The following C4orf50 variants were observed in gnomAD, a reference collection of about 807,000 sequenced individuals.
C4orf50 encodes uncharacterized protein C4orf50.
C4orf50 carries 80 observed loss-of-function variants against 77.2 expected under a neutral mutation model. The observed-to-expected ratio is 1.04, with a 90% CI of 0.87 to 1.25. The LOEUF is 1.25. Among genes scored for constraint, C4orf50 ranks in the 50% most tolerant of loss-of-function variants. C4orf50 has a pLI of 0.00. For synonymous variants in C4orf50, 532 were observed against 465.3 expected (o/e 1.14, Z -1.84); for missense variants, 1,257 against 1,152.9 (o/e 1.09, Z -1.31).
chr4:5,954,456 A>G (rs564320745), downstream of C4orf50, among the ~76,000 whole-genome samples: 1 of 152,088 alleles, frequency 6.6e-6, no homozygotes, highest in Non-Finnish European at 1.5e-5. The surrounding 1 kb of genome is among the most constrained non-coding windows in gnomAD (Gnocchi z 4.7). Flanking sequence ...ATGGGCTGAG[A>G]TTCTGTAGCA....
At chr4:5,899,353 G>C (rs546320802) in intron 7 of C4orf50, 9 of 152,342 alleles carry the variant, frequency 5.9e-5, no homozygotes, top group African/African-American at 2.2e-4. Context: ...GATTCATTTA[G>C]TGTGTCATTT....
chr4:5,997,004 G>C (rs554871457), intron 25 of C4orf50, among the ~76,000 whole-genome samples: 1 of 152,188 alleles, frequency 6.6e-6, no homozygotes, highest in Non-Finnish European at 1.5e-5. Context: ...GAGAAAGAAG[G>C]CATCAAAGAA....
At position 5,916,914 on chromosome 4, in the gene C4orf50, C is replaced by T. The variant is rs1002447877; in HGVS notation, c.*2475-18726G>A. The stretch of plus-strand genomic sequence containing the variant: ...CAGGCTGGGGACAGTGCCATCGGGC[C>T]CAAACACATCACTATGTGGACTGAA... On this transcript the variant is annotated intron_variant, in intron 7 of 7. Transcript: ENST00000324058. This position sits in a 1 kb window ranked among gnomAD's most constrained non-coding sequence, Gnocchi z 4.4. Among the ~76,000 whole-genome samples, 12 of 152,084 alleles carry T rather than the reference C, an allele frequency of 7.9e-5. No individual in the cohort carries two copies. The highest frequency in any genetic ancestry group is 1.5e-4 in the Non-Finnish European group (10 of 68,000).
At chr4:5,984,905 C>T (rs1031857988) in intron 28 of C4orf50, among the ~76,000 whole-genome samples, 3 of 149,284 alleles carry the variant, frequency 2.0e-5, no homozygotes, top group African/African-American at 7.3e-5. Context: ...ACAAATAAAA[C>T]CATATCTAGG....
At chr4:5,914,908 T>C (rs542342800) in intron 7 of C4orf50, among the ~76,000 whole-genome samples, 1 of 152,252 alleles carries the variant, frequency 6.6e-6, no homozygotes, top group Non-Finnish European at 1.5e-5. Flanking sequence ...TCATAGTCTA[T>C]TTCCCTACTA....
chr4:6,014,882 C>T (rs1025645228), intron 23 of C4orf50, among the ~76,000 whole-genome samples: 1 of 152,170 alleles, frequency 6.6e-6, no homozygotes, highest in African/African-American at 2.4e-5. Flanking sequence ...GAGCCCACAT[C>T]CCCCCACAGG....
intron 7 of C4orf50, among the ~76,000 whole-genome samples, chr4:5,950,894 G>A (rs925631971): frequency 6.6e-6 from 1 of 152,164 alleles, no homozygotes; most frequent in Non-Finnish European, 1.5e-5. Context: ...TGAATGGATG[G>A]GTGGATGAAT....
At chr4:5,997,057 A>C (rs1721623639) in intron 25 of C4orf50, among the ~76,000 whole-genome samples, 2 of 152,210 alleles carry the variant, frequency 1.3e-5, no homozygotes, top group African/African-American at 4.8e-5. Flanking sequence ...AGGAGAGGGA[A>C]TAGGATAGGG....
At chr4:5,931,556 G>A (rs1717768489) in intron 7 of C4orf50, among the ~76,000 whole-genome samples, 1 of 152,160 alleles carries the variant, frequency 6.6e-6, no homozygotes, top group Non-Finnish European at 1.5e-5. Context: ...CTAGAAACCT[G>A]CCCTCTGCCC....
intron 7 of C4orf50, among the ~76,000 whole-genome samples, chr4:5,907,981 T>C (rs951152204): frequency 1.3e-5 from 2 of 152,184 alleles, no homozygotes; most frequent in African/African-American, 4.8e-5. Flanking sequence ...ACAGGAGACA[T>C]ATTTCAGTTG....
intron 25 of C4orf50, among the ~76,000 whole-genome samples, chr4:5,996,847 T>C (rs1215582770): frequency 6.6e-6 from 1 of 152,276 alleles, no homozygotes; most frequent in African/African-American, 2.4e-5. Flanking sequence ...AGGGCCTTGC[T>C]GGCTGCTGCA....
Position 5,905,777 on chromosome 4 carries a change from G to A in C4orf50, c.*2475-7589C>T, listed in dbSNP as rs1716522039. ...CTAGCTTTCAGGAGCCTCTCAAAGG[G>A]GCCAATGGCCAAAAGAAGGTTGAGA... On this transcript the variant is annotated intron_variant, in intron 7 of 7. Transcript: ENST00000324058. This position sits in a 1 kb window ranked among gnomAD's most constrained non-coding sequence, Gnocchi z 5.4. Among the ~76,000 whole-genome samples, 2 of 152,178 alleles carry A rather than the reference G, an allele frequency of 1.3e-5. No individual in the cohort carries two copies. Among genetic ancestry groups the A allele is most frequent in the South Asian group, 2.1e-4 (1 of 4,830 alleles).
At chr4:6,002,833 G>A (rs16838073) in intron 25 of C4orf50, among the ~76,000 whole-genome samples, 2,229 of 152,310 alleles carry the variant, frequency 0.015, 68 homozygotes, top group African/African-American at 0.051. Flanking sequence ...TTACATCGGG[G>A]CCTCACTCCT....
intron 28 of C4orf50, among the ~76,000 whole-genome samples, chr4:5,987,900 G>T (rs1029350016): frequency 6.6e-6 from 1 of 152,166 alleles, no homozygotes; most frequent in East Asian, 1.9e-4. Flanking sequence ...GCACAGAGCC[G>T]GGTTGGAACC....
intron 31 of C4orf50, among the ~76,000 whole-genome samples, chr4:5,972,743 G>T (rs1410209232): frequency 6.6e-6 from 1 of 152,244 alleles, no homozygotes; most frequent in Non-Finnish European, 1.5e-5. Context: ...CCCCGGCTGT[G>T]TTTACCGTGG....
chr4:5,993,599 A>T (rs112838874), intron 26 of C4orf50, among the ~76,000 whole-genome samples: 12,781 of 152,158 alleles, frequency 0.084, 638 homozygotes, highest in African/African-American at 0.14. Flanking sequence ...GGCGGATCAC[A>T]TAAGGCCAGG....
At chr4:6,004,350 GACGGTGATGGTGA>G (rs1722121733) in intron 25 of C4orf50, among the ~76,000 whole-genome samples, 1 of 26,658 alleles carries the variant, frequency 3.8e-5, no homozygotes, top group African/African-American at 9.7e-5. Flanking sequence ...TGGTGATGAT[GACGGTGATGGTGA>G]TGATGGTGAT....
In C4orf50 at chr4:5,992,321, G is replaced by C. The variant is rs1170310839; in HGVS notation, c.1221+482C>G. On this transcript the variant is annotated intron_variant, in intron 27 of 33. Transcript: ENST00000531445. The surrounding 1 kb of genome is among the most constrained non-coding windows in gnomAD (Gnocchi z 5.0). Reference sequence around the variant, plus strand: ...CCTCAGGGATGAGAAAATGGAAGTGGAGAAAGGTTACGACTGCCTCAGCCT... The same window carrying C: ...CCTCAGGGATGAGAAAATGGAAGTGCAGAAAGGTTACGACTGCCTCAGCCT... Among the ~76,000 whole-genome samples the C allele has an allele frequency of 6.6e-6, 1 of 152,170 alleles. No individual in the cohort carries two copies. Among genetic ancestry groups the C allele is most frequent in the African/African-American group, 2.4e-5 (1 of 41,434 alleles).
At chr4:5,926,590 GGTGAATTTTACATCAT>G (rs1345814839) in intron 7 of C4orf50, among the ~76,000 whole-genome samples, 1 of 152,094 alleles carries the variant, frequency 6.6e-6, no homozygotes, top group Non-Finnish European at 1.5e-5. Flanking sequence ...TGGCTCAAAT[GGTGAATTTTACATCAT>G]GTGAATTTTG....
Sources: allele counts gnomAD v4.1 joint callset (sites outside exome capture counted in the v4.1 genomes callset), GRCh38; gene constraint gnomAD v4.1.1; non-coding constraint Gnocchi (gnomAD v3.1); transcripts MANE v1.5; gene names NCBI Gene and HGNC (gene_info 2026-07-23, HGNC 2026-07-21).